The following GPHN variants were observed in gnomAD, a reference collection of about 807,000 sequenced individuals.
The protein encoded by GPHN is gephyrin.
GPHN carries 17 observed loss-of-function variants against 95.5 expected under a neutral mutation model. The observed-to-expected ratio is 0.18, with a 90% CI of 0.12 to 0.27. GPHN has a LOEUF of 0.27. GPHN is among the 10% of genes least tolerant of loss of function. GPHN has a pLI of 1.00. For missense variants in GPHN, 660 were observed against 978.1 expected (o/e 0.67, Z 4.34); for synonymous variants, 320 against 322.5 (o/e 0.99, Z 0.08).
intron 4 of GPHN, among the ~76,000 whole-genome samples, chr14:66,849,438 C>T (rs1323164464): frequency 6.6e-6 from 1 of 151,958 alleles, no homozygotes; most frequent in Non-Finnish European, 1.5e-5. Context: ...TGTGAAGTTT[C>T]ATATTACATA....
chr14:66,947,660 A>C (rs1038911372), intron 8 of GPHN, among the ~76,000 whole-genome samples: 2 of 152,220 alleles, frequency 1.3e-5, no homozygotes, highest in Non-Finnish European at 2.9e-5. Flanking sequence ...CCCATGATGT[A>C]TAAGAATTGT....
chr14:67,600,225 GCA>G, the GPHN span: 1 of 1,543,626 alleles, frequency 6.5e-7, no homozygotes, highest in Non-Finnish European at 8.7e-7. Flanking sequence ...TCGGCCGCCC[GCA>G]CCGCGCGGCG....
chr14:67,141,280 A>G (rs550981808), intron 17 of GPHN, among the ~76,000 whole-genome samples: 1 of 152,152 alleles, frequency 6.6e-6, no homozygotes, highest in Non-Finnish European at 1.5e-5. Context: ...AACCAGGCCT[A>G]CCTTGCCATT....
the GPHN span, among the ~76,000 whole-genome samples, chr14:67,265,471 G>C: frequency 6.6e-6 from 1 of 152,114 alleles, no homozygotes; most frequent in Non-Finnish European, 1.5e-5. Flanking sequence ...TGGGAGGGTT[G>C]CATGAGCCAG....
chr14:67,678,881 A>C, the GPHN span, among the ~76,000 whole-genome samples: 1 of 152,180 alleles, frequency 6.6e-6, no homozygotes, highest in Admixed American at 6.5e-5. Flanking sequence ...CCTTGAAGTT[A>C]TACTGTTAGT....
chr14:67,415,740 A>G, the GPHN span, among the ~76,000 whole-genome samples: 3 of 152,206 alleles, frequency 2.0e-5, no homozygotes, highest in African/African-American at 7.2e-5. Context: ...ATGCCCATCA[A>G]TGTTAGACTG....
At chr14:66,658,466 C>G (rs2065440103) in intron 1 of GPHN, among the ~76,000 whole-genome samples, 1 of 152,064 alleles carries the variant, frequency 6.6e-6, no homozygotes, top group Non-Finnish European at 1.5e-5. Flanking sequence ...TTACATGGTA[C>G]AGAGAAGTAT....
At chr14:67,214,140 C>A in the GPHN span, among the ~76,000 whole-genome samples, 1 of 152,130 alleles carries the variant, frequency 6.6e-6, no homozygotes, top group South Asian at 2.1e-4. Flanking sequence ...ATGTTAGTTT[C>A]TTTTGCTGTG....
At chr14:67,134,953 C>CTTCTTTTTTT (rs573340363) in intron 17 of GPHN, among the ~76,000 whole-genome samples, 8 of 45,252 alleles carry the variant, frequency 1.8e-4, no homozygotes, top group Admixed American at 2.5e-4. Context: ...TTTCTTTCTT[C>CTTCTTTTTTT]TTTTTTTTTT....
At chr14:66,609,557 C>G (rs532440435) in intron 1 of GPHN, among the ~76,000 whole-genome samples, 1 of 152,226 alleles carries the variant, frequency 6.6e-6, no homozygotes, top group South Asian at 2.1e-4. Flanking sequence ...TTTTCTCTCT[C>G]AGGAATGCCA....
the GPHN span, among the ~76,000 whole-genome samples, chr14:67,314,462 G>A: frequency 6.6e-6 from 1 of 152,168 alleles, no homozygotes; most frequent in South Asian, 2.1e-4. Flanking sequence ...CATATTTTAA[G>A]GAAGGAGGAA....
At chr14:67,350,814 G>T in the GPHN span, 3 of 893,630 alleles carry the variant, frequency 3.4e-6, no homozygotes, top group South Asian at 1.9e-5. Flanking sequence ...ATATTGGTTT[G>T]ATAACGACAA....
chr14:67,262,710 TTA>T, the GPHN span, among the ~76,000 whole-genome samples: 162 of 152,300 alleles, frequency 1.1e-3, no homozygotes, highest in African/African-American at 3.7e-3. Context: ...TAGTCTCCCA[TTA>T]TTTGCAGGAG....
At chr14:66,526,892 G>A (rs1314074324) in intron 1 of GPHN, among the ~76,000 whole-genome samples, 1 of 152,128 alleles carries the variant, frequency 6.6e-6, no homozygotes. Flanking sequence ...TTTTATCGAG[G>A]ATTTTTGCAC....
At chr14:67,593,109 G>T in the GPHN span, 1 of 169,334 alleles carries the variant, frequency 5.9e-6, no homozygotes, top group Admixed American at 5.8e-5. Flanking sequence ...TCTAAGGGAA[G>T]GCTCAACACT....
intron 5 of GPHN, among the ~76,000 whole-genome samples, chr14:66,911,925 C>T (rs1000009227): frequency 2.6e-5 from 4 of 151,980 alleles, no homozygotes; most frequent in African/African-American, 9.7e-5. Flanking sequence ...TTGCAACCAC[C>T]CTAATTCACC....
chr14:66,817,532 G>A (rs147257855), intron 3 of GPHN, among the ~76,000 whole-genome samples: 1 of 152,242 alleles, frequency 6.6e-6, no homozygotes, highest in Non-Finnish European at 1.5e-5. Context: ...CACAAAATGT[G>A]GTGGCTTTAA....
In GPHN at chr14:66,575,488, T is replaced by G. The variant is rs189113177; in HGVS notation, c.64+66897T>G. On this transcript the variant is annotated intron_variant, in intron 1 of 22. Coordinates refer to ENST00000478722, the MANE Select transcript of GPHN (RefSeq NM_020806.5). Reference sequence around the variant, plus strand: ...TAGTAGTACATTATTTTGCCAGTTTTTACAGACTGGCTTTGACAGAAGAAG... The same window carrying G: ...TAGTAGTACATTATTTTGCCAGTTTGTACAGACTGGCTTTGACAGAAGAAG... Among the ~76,000 whole-genome samples the G allele has an allele frequency of 2.4e-3, 366 of 152,360 alleles. 3 individuals are homozygous for G. The highest frequency in any genetic ancestry group is 8.3e-3 in the African/African-American group (345 of 41,588).
At chr14:66,760,613 G>A (rs1007365522) in intron 2 of GPHN, 2 of 396,420 alleles carry the variant, frequency 5.0e-6, no homozygotes, top group East Asian at 1.3e-4. Context: ...TGATTGCAAG[G>A]TGTTCAGATT....
Sources: gnomAD v4.1 joint callset for allele counts (sites outside exome capture counted in the v4.1 genomes callset) on GRCh38, gnomAD v4.1.1 for gene constraint, MANE v1.5 for transcripts, NCBI Gene and HGNC (gene_info 2026-07-23, HGNC 2026-07-21) for gene names.